ATAD2: variants seen among roughly 807,000 people sequenced by gnomAD.
The protein encoded by ATAD2 is ATPase family AAA domain-containing protein 2.
A neutral mutation model predicts 168.9 loss-of-function variants in ATAD2; 62 were observed. That is an observed-to-expected ratio of 0.37 (90% confidence interval 0.30 to 0.45). The LOEUF (loss-of-function observed/expected upper bound fraction) is 0.45. ATAD2 is among the 20% of genes least tolerant of loss of function. ATAD2 has a pLI of 1.00. For synonymous variants in ATAD2, 613 were observed against 571.6 expected, an observed-to-expected ratio of 1.07 and a Z score of -1.03; for missense variants, 1,419 against 1,667.8, an observed-to-expected ratio of 0.85 and a Z score of 2.60.
intron 1 of ATAD2, among the ~76,000 whole-genome samples, chr8:123,383,418 C>T (rs7817491): frequency 0.023 from 3,521 of 151,976 alleles, 142 homozygotes; most frequent in African/African-American, 0.081. Flanking sequence ...CTATTGCAGA[C>T]ACTTCAAGGT....
chr8:123,414,864 T>G (rs973980222), intron 1 of ATAD2, among the ~76,000 whole-genome samples: 3 of 152,238 alleles, frequency 2.0e-5, no homozygotes, highest in Non-Finnish European at 4.4e-5. Context: ...CCCACTCACT[T>G]TAAATGGAGC....
intron 8 of ATAD2, among the ~76,000 whole-genome samples, chr8:123,362,535 C>T (rs1828858282): frequency 6.6e-6 from 1 of 151,766 alleles, no homozygotes; most frequent in African/African-American, 2.4e-5. Flanking sequence ...CCTGCCTCAG[C>T]CTCCCGAGCA....
At position 123,337,781 on chromosome 8, in the gene ATAD2, A is replaced by C; in HGVS notation, c.2895T>G (p.Pro965=). 1.2e-6 allele frequency: 2 copies of C among 1,612,360 alleles called. No individual in the cohort carries two copies. The highest frequency in any genetic ancestry group is 2.2e-5 in the South Asian group (2 of 90,602). ...CTTCTGCTGTCAGTGATCTTGGCTC[A>C]GGTGGTGGTGCTACTGGGAGTACCT... ...ALEVLPVAPP[P]EPRSLTAEEV... The change falls in exon 21 of 28, where the codon CCT becomes CCG. Residue 965 remains proline, a synonymous_variant. Coordinates refer to ENST00000287394, the MANE Select transcript of ATAD2 (RefSeq NM_014109.4).
chr8:123,389,806 G>C (rs1411858537), intron 1 of ATAD2, among the ~76,000 whole-genome samples: 1 of 149,008 alleles, frequency 6.7e-6, no homozygotes, highest in African/African-American at 2.5e-5. Flanking sequence ...TAAGGATCTA[G>C]GAATCTAGAA....
In ATAD2 at chr8:123,371,768, A is replaced by C. The variant is rs545676974; in HGVS notation, c.438T>G (p.His146Gln). The C allele has an allele frequency of 9.9e-6, 16 of 1,613,534 alleles. No individual in the cohort carries two copies. The highest frequency in any genetic ancestry group is 1.1e-5 in the Non-Finnish European group (13 of 1,179,742). ...RNIVQSTEHL[H>Q]EDNGDVEVRR... ...GCACTTCAACATCACCATTATCTTC[A>C]TGTAAGTGTTCTGTACTTTGAACGA... is the stretch of plus-strand genomic sequence containing the variant. The change falls in exon 4 of 28, where the codon CAT (histidine) becomes CAG (glutamine). Residue 146 changes from histidine to glutamine, a missense_variant. Coordinates refer to ENST00000287394, the MANE Select transcript of ATAD2 (RefSeq NM_014109.4).
chr8:123,396,561 T>G (rs567970170), upstream of ATAD2: 3 of 574,002 alleles, frequency 5.2e-6, no homozygotes, highest in Non-Finnish European at 9.0e-6. Flanking sequence ...TCCTCCCATT[T>G]GTAGAGCGAA....
At chr8:123,358,938 A>T (rs1187564722) in intron 11 of ATAD2, among the ~76,000 whole-genome samples, 1 of 149,100 alleles carries the variant, frequency 6.7e-6, no homozygotes, top group African/African-American at 2.5e-5. Flanking sequence ...TCCTGAGCTC[A>T]GGTAATCCAC....
chr8:123,368,163 A>G (rs1829035587), intron 8 of ATAD2, among the ~76,000 whole-genome samples: 2 of 152,198 alleles, frequency 1.3e-5, no homozygotes, highest in Admixed American at 1.3e-4. Context: ...CACACCTGTA[A>G]TCCCAGCACT....
intron 24 of ATAD2, 108 bp from the exon 25 acceptor site, chr8:123,328,687 TA>T: frequency 8.8e-7 from 1 of 1,133,258 alleles, no homozygotes. Flanking sequence ...GAAACCACAG[TA>T]TTTTGTATGA....
intron 1 of ATAD2, among the ~76,000 whole-genome samples, chr8:123,381,890 A>G (rs919023371): frequency 1.3e-5 from 2 of 152,186 alleles, no homozygotes; most frequent in Non-Finnish European, 2.9e-5. Flanking sequence ...CTACTAAAAT[A>G]CAAAAATGAG....
rs1586871073 is a variant in ATAD2 at position 123,347,464 on chromosome 8, A to G, written c.1898-58T>C. ...AGCCGACCAAACAAAGAAACACAAAACTCTATTAGCATGACCATGGTTAAA... is the reference window on the plus strand; with the variant it reads ...AGCCGACCAAACAAAGAAACACAAAGCTCTATTAGCATGACCATGGTTAAA... On this transcript the variant is annotated intron_variant, in intron 15 of 27. Transcript: ENST00000287394. 2.8e-6 allele frequency: 4 copies of G among 1,442,986 alleles called. No homozygotes were observed. The East Asian group carries it at 9.2e-5, about 33-fold the overall frequency. 89.4% of individuals were successfully genotyped at this position (1,442,986 alleles called of 1,614,324 possible).
At chr8:123,400,375 A>T (rs1198561426), upstream of ATAD2, among the ~76,000 whole-genome samples, 1 of 152,044 alleles carries the variant, frequency 6.6e-6, no homozygotes, top group Non-Finnish European at 1.5e-5. The surrounding 1 kb of genome is among the most constrained non-coding windows in gnomAD (Gnocchi z 4.5). Flanking sequence ...AGCTTATTAA[A>T]CACACTACAC....
rs774600107 is a variant in ATAD2 at position 123,369,930 on chromosome 8, A to G, written c.822T>C (p.Asp274=). The G allele has an allele frequency of 1.5e-5, 23 of 1,579,342 alleles. No homozygotes were observed. The East Asian group carries it at 2.0e-4, about 14-fold the overall frequency. Residue 274 remains aspartate, a synonymous_variant, in exon 7 of 28, where the codon GAT becomes GAC. Coordinates refer to ENST00000287394, the MANE Select transcript of ATAD2 (RefSeq NM_014109.4). ...DDDDDDDDDD[D]DDDEDDEDEE... ...CATCTTCATCATCTTCATCATCATCATCATCATCATCATCGTCATCATCAT... is the reference window on the plus strand; with the variant it reads ...CATCTTCATCATCTTCATCATCATCGTCATCATCATCATCGTCATCATCAT...
chr8:123,380,245 G>T (rs958022855), intron 2 of ATAD2, among the ~76,000 whole-genome samples: 1 of 151,880 alleles, frequency 6.6e-6, no homozygotes. Context: ...TAGAGACGGG[G>T]TTTCTCCATG....
chr8:123,386,642 C>T (rs1025979059), intron 1 of ATAD2, among the ~76,000 whole-genome samples: 5 of 151,978 alleles, frequency 3.3e-5, no homozygotes, highest in Admixed American at 1.3e-4. Context: ...AGCTTAAAAA[C>T]GGTTAAAACG....
chr8:123,391,900 G>T (rs1829835519), intron 1 of ATAD2, among the ~76,000 whole-genome samples: 1 of 152,110 alleles, frequency 6.6e-6, no homozygotes, highest in Non-Finnish European at 1.5e-5. Context: ...GGTCTACACA[G>T]ACACCTTGAT....
At chr8:123,345,960 C>T (rs1828226446) in intron 18 of ATAD2, 126 bp downstream of exon 18, 3 of 707,640 alleles carry the variant, frequency 4.2e-6, no homozygotes, top group Middle Eastern at 2.5e-4. Flanking sequence ...TCATGCATAA[C>T]TCTGTTTTGT....
At chr8:123,332,856 ATT>A (rs4006410) in intron 24 of ATAD2, among the ~76,000 whole-genome samples, 128,923 of 151,808 alleles carry the variant, frequency 0.85, 57,489 homozygotes, top group East Asian at 1. Context: ...ATATATATAT[ATT>A]CTTGCTTAAA....
chr8:123,334,464 G>T, intron 22 of ATAD2, 142 bp from the exon 23 acceptor site: 1 of 836,070 alleles, frequency 1.2e-6, no homozygotes, highest in South Asian at 2.6e-5. Flanking sequence ...TACTGGAATT[G>T]TCCTATTCTG....
Sources: allele counts gnomAD v4.1 joint callset (sites outside exome capture counted in the v4.1 genomes callset), GRCh38; gene constraint gnomAD v4.1.1; non-coding constraint Gnocchi (gnomAD v3.1); transcripts MANE v1.5; gene names NCBI Gene and HGNC (gene_info 2026-07-23, HGNC 2026-07-21).